The following PCCA variants were observed in gnomAD, a reference collection of about 807,000 sequenced individuals.
PCCA encodes the protein propionyl-CoA carboxylase subunit alpha.
PCCA carries 74 observed loss-of-function variants against 101.3 expected under a neutral mutation model. That is an observed-to-expected ratio of 0.73 (90% CI 0.61 to 0.89). The LOEUF (loss-of-function observed/expected upper bound fraction) is 0.89, where lower values mean the gene tolerates loss of function less well. Ranked by LOEUF, PCCA falls within the 40% of genes least tolerant of loss-of-function variation. The pLI is 0.00. For missense variants in PCCA, 891 were observed against 907.0 expected, an observed-to-expected ratio of 0.98 and a Z score of 0.23; for synonymous variants, 294 against 313.6, an observed-to-expected ratio of 0.94 and a Z score of 0.66.
intron 20 of PCCA, among the ~76,000 whole-genome samples, chr13:100,430,247 C>G (rs550536518): frequency 6.6e-6 from 1 of 152,044 alleles, no homozygotes; most frequent in East Asian, 2.0e-4. Context: ...GCCTGGGCAA[C>G]AAGAGTGAAA....
rs375804529 is a variant in PCCA, at chr13:100,156,737, T to C, written c.415-550T>C. On this transcript the variant is annotated intron_variant, in intron 5 of 23. Coordinates refer to ENST00000376285, the MANE Select transcript of PCCA (RefSeq NM_000282.4). ...CAGTTTGATAGAAACGGCTTGTTGG[T>C]AGTTGCCGAGTATTATTAATGCCAT... 4.6e-5 allele frequency among the ~76,000 whole-genome samples: 7 copies of C among 152,282 alleles called. No individual in the cohort carries two copies. In the East Asian group the frequency reaches 1.2e-3, roughly 25 times the overall value.
chr13:100,179,867 A>T (rs973518046), intron 6 of PCCA, among the ~76,000 whole-genome samples: 5 of 152,072 alleles, frequency 3.3e-5, no homozygotes, highest in African/African-American at 1.2e-4. Context: ...CTAGAGTAAG[A>T]GCTCTCCAGG....
intron 12 of PCCA, among the ~76,000 whole-genome samples, chr13:100,292,767 A>G (rs2152662241): frequency 6.6e-6 from 1 of 152,352 alleles, no homozygotes; most frequent in East Asian, 1.9e-4. Flanking sequence ...CCACTTTTAA[A>G]GAGATCTCCT....
intron 4 of PCCA, among the ~76,000 whole-genome samples, chr13:100,134,699 T>G (rs552711308): frequency 6.6e-6 from 1 of 152,052 alleles, no homozygotes; most frequent in Non-Finnish European, 1.5e-5. Context: ...ATTACAGGCT[T>G]GTGCCACCAT....
At position 100,209,478 on chromosome 13, in the gene PCCA, T is replaced by G. The variant is rs775305601; in HGVS notation, c.600+15T>G. ...GAGTAGTCAAGGTGAGAAGCTACTT[T>G]AACTTTTATTGTATATGTCTTCAAG... is the stretch of plus-strand genomic sequence containing the variant. On this transcript the variant is annotated intron_variant, in intron 7 of 23. Transcript: ENST00000376285. 6.2e-7 allele frequency: 1 copy of G among 1,605,440 alleles called. No individual in the cohort carries two copies. The highest frequency in any genetic ancestry group is 1.3e-5 in the African/African-American group (1 of 74,784).
At chr13:100,434,131 G>A (rs2079758718) in intron 20 of PCCA, among the ~76,000 whole-genome samples, 1 of 152,198 alleles carries the variant, frequency 6.6e-6, no homozygotes, top group African/African-American at 2.4e-5. Context: ...CTTATGACCT[G>A]CTACTGTTGT....
intron 7 of PCCA, among the ~76,000 whole-genome samples, chr13:100,223,318 G>A (rs566894429): frequency 2.6e-5 from 4 of 151,222 alleles, no homozygotes; most frequent in South Asian, 2.1e-4. Flanking sequence ...AAGGTGGCGC[G>A]TCTGGAGTTT....
intron 21 of PCCA, among the ~76,000 whole-genome samples, chr13:100,498,314 A>G (rs2085426050): frequency 6.6e-6 from 1 of 151,662 alleles, no homozygotes; most frequent in Non-Finnish European, 1.5e-5. Context: ...TGTACCAGAT[A>G]CTATTATGCT....
chr13:100,448,342 A>G (rs990510533), intron 20 of PCCA, among the ~76,000 whole-genome samples: 4 of 152,068 alleles, frequency 2.6e-5, no homozygotes, highest in African/African-American at 9.7e-5. Flanking sequence ...ACAGGTGTGC[A>G]CCACCACGCC....
chr13:100,499,940 C>G (rs547889516), intron 21 of PCCA, among the ~76,000 whole-genome samples: 1 of 152,238 alleles, frequency 6.6e-6, no homozygotes, highest in African/African-American at 2.4e-5. Flanking sequence ...TGAAATCATG[C>G]TTCTGTCGTT....
At chr13:100,188,334 A>AAAAC (rs1555372004) in intron 6 of PCCA, among the ~76,000 whole-genome samples, 12,868 of 123,184 alleles carry the variant, frequency 0.1, 655 homozygotes, top group Middle Eastern at 0.18. Flanking sequence ...CAAAAACACA[A>AAAAC]AGAAAGAAAG....
rs1034695034 is a variant in PCCA at position 100,156,063 on chromosome 13, C to CT, written c.414+980dup. On this transcript the variant is annotated intron_variant, in intron 5 of 23. Coordinates refer to ENST00000376285, the MANE Select transcript of PCCA (RefSeq NM_000282.4). ...ACCATGCTCATAAAGCTTAGTTCAG[C>CT]TTTTTTTTTGTTTTGTTTTTTGAGA... Among the ~76,000 whole-genome samples, 23 of 151,432 alleles carry CT rather than the reference C, an allele frequency of 1.5e-4. 1 individual carries two copies. The highest frequency in any genetic ancestry group is 6.6e-4 in the Admixed American group (10 of 15,190).
At chr13:100,203,846 A>G (rs1438323105) in intron 6 of PCCA, among the ~76,000 whole-genome samples, 1 of 152,180 alleles carries the variant, frequency 6.6e-6, no homozygotes, top group East Asian at 1.9e-4. Context: ...AGATAGCAGG[A>G]AGTGGTTTAT....
intron 8 of PCCA, among the ~76,000 whole-genome samples, chr13:100,250,942 C>G (rs2061711020): frequency 6.6e-6 from 1 of 152,056 alleles, no homozygotes; most frequent in Non-Finnish European, 1.5e-5. Context: ...CATTATACGT[C>G]TATGGTTTTT....
At chr13:100,446,509 T>C (rs2080844668) in intron 20 of PCCA, among the ~76,000 whole-genome samples, 1 of 152,244 alleles carries the variant, frequency 6.6e-6, no homozygotes, top group Admixed American at 6.5e-5. Flanking sequence ...TGCTGTCTTT[T>C]CCTTAGTCTC....
At chr13:100,524,976 C>T in intron 22 of PCCA, among the ~76,000 whole-genome samples, 1 of 108,286 alleles carries the variant, frequency 9.2e-6, no homozygotes, top group African/African-American at 3.5e-5. Flanking sequence ...GATTCTGTCT[C>T]TAAGATGGAT....
intron 6 of PCCA, among the ~76,000 whole-genome samples, chr13:100,200,741 TTTATA>T (rs1175785267): frequency 1.3e-5 from 2 of 151,270 alleles, no homozygotes; most frequent in Non-Finnish European, 2.9e-5. Context: ...ATAAAACAAA[TTTATA>T]TTATAATAAT....
At chr13:100,167,601 A>C (rs1228217425) in intron 6 of PCCA, among the ~76,000 whole-genome samples, 2 of 152,192 alleles carry the variant, frequency 1.3e-5, no homozygotes, top group East Asian at 1.9e-4. Context: ...TGCCAAACTC[A>C]AGGTCACTGA....
intron 10 of PCCA, among the ~76,000 whole-genome samples, chr13:100,266,849 T>C (rs1302116925): frequency 2.6e-5 from 4 of 152,202 alleles, no homozygotes; most frequent in Non-Finnish European, 5.9e-5. Flanking sequence ...AATAAAGCTT[T>C]TTCAGGAAGC....
Sources: gnomAD v4.1 joint callset for allele counts (sites outside exome capture counted in the v4.1 genomes callset) on GRCh38, gnomAD v4.1.1 for gene constraint, MANE v1.5 for transcripts, NCBI Gene and HGNC (gene_info 2026-07-23, HGNC 2026-07-21) for gene names.